The following ASIC2 variants were observed in gnomAD, a reference collection of about 807,000 sequenced individuals.
The protein encoded by ASIC2 is acid sensing ion channel subunit 2.
Under a neutral mutation model 57.3 loss-of-function variants are expected in ASIC2, and 25 were observed. The observed-to-expected ratio is 0.44, with a 90% CI of 0.32 to 0.61. ASIC2 has a LOEUF of 0.61. ASIC2 is among the 20% of genes least tolerant of loss of function. ASIC2 has a pLI of 0.06. For synonymous variants in ASIC2, 319 were observed against 307.5 expected (o/e 1.04, Z -0.39); for missense variants, 641 against 738.1 (o/e 0.87, Z 1.52).
intron 1 of ASIC2, among the ~76,000 whole-genome samples, chr17:33,545,000 T>G (rs2141972024): frequency 6.6e-6 from 1 of 152,286 alleles, no homozygotes; most frequent in South Asian, 2.1e-4. Context: ...GGGAACTGTC[T>G]TACTTGACTA....
At chr17:34,031,859 A>C (rs1907627112) in intron 1 of ASIC2, among the ~76,000 whole-genome samples, 1 of 152,248 alleles carries the variant, frequency 6.6e-6, no homozygotes, top group South Asian at 2.1e-4. Context: ...TTATGGCAGT[A>C]TGTGGAAAGA....
chr17:33,170,686 C>G (rs149348375), intron 1 of ASIC2, among the ~76,000 whole-genome samples: 1 of 152,174 alleles, frequency 6.6e-6, no homozygotes, highest in Non-Finnish European at 1.5e-5. Context: ...AGAAACCCAG[C>G]AGGACAGAGC....
At chr17:33,417,836 T>C (rs1371429203) in intron 1 of ASIC2, among the ~76,000 whole-genome samples, 2 of 152,176 alleles carry the variant, frequency 1.3e-5, no homozygotes, top group Non-Finnish European at 2.9e-5. Flanking sequence ...AACATCTGTG[T>C]GATGTCCCCT....
chr17:33,535,221 G>A (rs1053018824), intron 1 of ASIC2, among the ~76,000 whole-genome samples: 6 of 151,988 alleles, frequency 3.9e-5, no homozygotes, highest in Non-Finnish European at 2.9e-5. Context: ...ATTAGAAGAG[G>A]CCATGTTGAC....
chr17:33,123,909 C>G (rs1295362824), intron 1 of ASIC2, among the ~76,000 whole-genome samples: 1 of 151,960 alleles, frequency 6.6e-6, no homozygotes, highest in African/African-American at 2.4e-5. Flanking sequence ...GTGTTGTGTT[C>G]CTGGTTAATT....
chr17:34,083,866 G>C (rs1909992803), intron 1 of ASIC2, among the ~76,000 whole-genome samples: 1 of 152,142 alleles, frequency 6.6e-6, no homozygotes, highest in African/African-American at 2.4e-5. Context: ...TTTTGACGGG[G>C]TTGTTTGTTT....
At chr17:33,096,538 C>T (rs1164691359) in intron 2 of ASIC2, among the ~76,000 whole-genome samples, 1 of 152,228 alleles carries the variant, frequency 6.6e-6, no homozygotes, top group Non-Finnish European at 1.5e-5. Context: ...CCTCGGACAC[C>T]TGTGGAGACC....
chr17:33,522,915 C>A (rs1914784914), intron 1 of ASIC2, among the ~76,000 whole-genome samples: 1 of 152,110 alleles, frequency 6.6e-6, no homozygotes, highest in South Asian at 2.1e-4. Flanking sequence ...AAGGCCAGGG[C>A]AACCCCTGGC....
At chr17:33,167,150 C>G (rs1027541443) in intron 1 of ASIC2, among the ~76,000 whole-genome samples, 9 of 152,158 alleles carry the variant, frequency 5.9e-5, no homozygotes, top group African/African-American at 2.2e-4. Flanking sequence ...CAACACATGA[C>G]ACTCAACATG....
At chr17:33,814,555 T>A (rs1310971279) in intron 1 of ASIC2, among the ~76,000 whole-genome samples, 1 of 152,224 alleles carries the variant, frequency 6.6e-6, no homozygotes. Context: ...CCTGGAAGAT[T>A]TCTCTTATGG....
chr17:33,551,625 G>T (rs913557659), intron 1 of ASIC2, among the ~76,000 whole-genome samples: 2 of 152,140 alleles, frequency 1.3e-5, no homozygotes, highest in Non-Finnish European at 2.9e-5. Context: ...TGAATAATTA[G>T]ATTATAGACA....
intron 1 of ASIC2, among the ~76,000 whole-genome samples, chr17:33,591,019 A>C (rs1226855650): frequency 6.6e-6 from 1 of 152,212 alleles, no homozygotes; most frequent in East Asian, 1.9e-4. Context: ...CATTGGCTTC[A>C]TTCCAACGTG....
At chr17:34,087,087 G>A (rs1220134689) in intron 1 of ASIC2, among the ~76,000 whole-genome samples, 1 of 151,154 alleles carries the variant, frequency 6.6e-6, no homozygotes, top group Non-Finnish European at 1.5e-5. Flanking sequence ...TCATTATGAT[G>A]TTAGCTGGTT....
At chr17:33,691,276 A>G (rs1372792948) in intron 1 of ASIC2, among the ~76,000 whole-genome samples, 1 of 152,232 alleles carries the variant, frequency 6.6e-6, no homozygotes, top group Non-Finnish European at 1.5e-5. Context: ...ATGTGCACGT[A>G]TAATTTTGAT....
rs112117273 is a variant in ASIC2 at position 34,046,502 on chromosome 17, C to T, written c.555+109476G>A. Among the ~76,000 whole-genome samples, 282 of 152,284 alleles carry T rather than the reference C, an allele frequency of 1.9e-3. 1 individual carries two copies. Among genetic ancestry groups the T allele is most frequent in the African/African-American group, 6.0e-3 (248 of 41,562 alleles). On this transcript the variant is annotated intron_variant, in intron 1 of 9. Coordinates refer to the ASIC2 transcript ENST00000359872. ...ACAGGAATTAATCAATGCTGGCTGG[C>T]CAAGCCCATGCAGATGACCTTCTGC...
intron 1 of ASIC2, among the ~76,000 whole-genome samples, chr17:33,673,812 A>G (rs1907718418): frequency 6.6e-6 from 1 of 152,092 alleles, no homozygotes; most frequent in Non-Finnish European, 1.5e-5. Context: ...ATCATTCGTG[A>G]AGCTTTGTAA....
At chr17:33,179,783 T>G (rs1441688692) in intron 1 of ASIC2, among the ~76,000 whole-genome samples, 1 of 152,152 alleles carries the variant, frequency 6.6e-6, no homozygotes, top group Admixed American at 6.5e-5. Flanking sequence ...GGCTGCAGAG[T>G]TAGCTCCTCT....
At chr17:33,175,461 ATTG>A (rs1395569690) in intron 1 of ASIC2, among the ~76,000 whole-genome samples, 3 of 144,320 alleles carry the variant, frequency 2.1e-5, no homozygotes, top group African/African-American at 8.4e-5. Context: ...TTGTTATTTT[ATTG>A]TTTTTTTTTT....
intron 1 of ASIC2, among the ~76,000 whole-genome samples, chr17:33,206,170 G>T (rs1396376330): frequency 6.6e-6 from 1 of 152,166 alleles, no homozygotes; most frequent in Admixed American, 6.5e-5. Flanking sequence ...TCTCAAAACA[G>T]CAGCATCATA....
Sources: gnomAD v4.1 joint callset for allele counts (sites outside exome capture counted in the v4.1 genomes callset) on GRCh38, gnomAD v4.1.1 for gene constraint, MANE v1.5 for transcripts, NCBI Gene and HGNC (gene_info 2026-07-23, HGNC 2026-07-21) for gene names.